The following DEGS2 variants were observed in gnomAD, a reference collection of about 807,000 sequenced individuals.
DEGS2 encodes sphingolipid delta(4)-desaturase/C4-monooxygenase DES2.
In DEGS2, 19 loss-of-function variants were observed where a neutral mutation model predicts 23.8. That is an observed-to-expected ratio of 0.80 (90% CI 0.56 to 1.17). The LOEUF is 1.17. Ranked by LOEUF, DEGS2 falls within the 50% of genes most tolerant of loss-of-function variation. The pLI is 0.00. For missense variants in DEGS2, 390 were observed against 459.5 expected, an observed-to-expected ratio of 0.85 and a Z score of 1.38; for synonymous variants, 218 against 213.7, an observed-to-expected ratio of 1.02 and a Z score of -0.18.
At position 100,149,655 on chromosome 14, in the gene DEGS2, C is replaced by T. The variant is rs769172630; in HGVS notation, c.138G>A (p.Ala46=). ...LMRPDPRLKW[A]VLVLVLVQML... ...TCTGCACCAGCACCAGCACCAGCACCGCCCACTTGAGGCGCGGGTCTGGCC... is the reference window on the plus strand; with the variant it reads ...TCTGCACCAGCACCAGCACCAGCACTGCCCACTTGAGGCGCGGGTCTGGCC... The change falls in exon 2 of 3, where the codon GCG becomes GCA. Residue 46 remains alanine, a synonymous_variant. Transcript: ENST00000305631. The T allele has an allele frequency of 2.5e-5, 40 of 1,611,728 alleles. No homozygotes were observed. Among genetic ancestry groups the T allele is most frequent in the East Asian group, 4.5e-5 (2 of 44,868 alleles).
chr14:100,153,944 C>G (rs371459304), intron 1 of DEGS2, among the ~76,000 whole-genome samples: 1 of 152,140 alleles, frequency 6.6e-6, no homozygotes, highest in East Asian at 1.9e-4. Flanking sequence ...GCTGACCGAG[C>G]CAAGACTTGA....
At chr14:100,163,020 A>G (rs1415226903), upstream of DEGS2, among the ~76,000 whole-genome samples, 1 of 152,242 alleles carries the variant, frequency 6.6e-6, no homozygotes, top group African/African-American at 2.4e-5. Flanking sequence ...ACAGAATGAA[A>G]GGGCAACCGA....
In DEGS2 at chr14:100,144,729, C is replaced by T. The variant is rs563058996; in HGVS notation, c.*2032G>A. ...GTTCTGACCCTCAGCTTCAAGGAAC[C>T]AGGGCCACCAACAGGCAGGCCTTGA... On this transcript the variant is annotated 3_prime_UTR_variant, in exon 3 of 3. Transcript: ENST00000305631. 1.9e-4 allele frequency: 29 copies of T among 152,504 alleles called. No individual in the cohort carries two copies. The highest frequency in any genetic ancestry group is 5.8e-4 in the African/African-American group (24 of 41,582). The allele number at this position is 152,504 out of a possible 1,614,324, so 9.4% of individuals were successfully genotyped here. A position where few individuals can be genotyped will look rare whatever the true frequency, so the allele number is the denominator to read the frequency against.
At chr14:100,153,235 G>A (rs969082591) in intron 1 of DEGS2, among the ~76,000 whole-genome samples, 8 of 151,434 alleles carry the variant, frequency 5.3e-5, no homozygotes, top group African/African-American at 1.7e-4. Context: ...CAGCCTGGGC[G>A]ACAGTAATGG....
intron 2 of DEGS2, among the ~76,000 whole-genome samples, chr14:100,147,720 C>T (rs1380700745): frequency 7.0e-6 from 1 of 141,974 alleles, no homozygotes; most frequent in Non-Finnish European, 1.5e-5. Flanking sequence ...TAAGGATGCT[C>T]TCAGGACGCA....
chr14:100,154,327 T>C (rs1889622281), intron 1 of DEGS2, among the ~76,000 whole-genome samples: 1 of 145,714 alleles, frequency 6.9e-6, no homozygotes, highest in Non-Finnish European at 1.5e-5. Context: ...ATCACACCAC[T>C]GGACTCCAGC....
chr14:100,157,933 C>A (rs1984717), intron 1 of DEGS2, among the ~76,000 whole-genome samples: 1 of 151,340 alleles, frequency 6.6e-6, no homozygotes, highest in Non-Finnish European at 1.5e-5. Context: ...ACTACAAATA[C>A]AAAATTAGCC....
At chr14:100,156,342 T>C (rs984625345) in intron 1 of DEGS2, among the ~76,000 whole-genome samples, 1 of 152,212 alleles carries the variant, frequency 6.6e-6, no homozygotes, top group African/African-American at 2.4e-5. Flanking sequence ...GGGAATAGCA[T>C]AGGCATGGAG....
chr14:100,151,343 A>T (rs1257013431), intron 1 of DEGS2, among the ~76,000 whole-genome samples: 1 of 152,246 alleles, frequency 6.6e-6, no homozygotes, highest in Admixed American at 6.5e-5. Context: ...AGCAGGCCCA[A>T]AGCTTGCAGG....
chr14:100,146,975 G>T, intron 2 of DEGS2, 68 bp from the exon 3 acceptor site: 1 of 1,559,574 alleles, frequency 6.4e-7, no homozygotes. Context: ...CACACACGCA[G>T]ACACCTGAGC....
chr14:100,159,507 C>A lies in DEGS2; in HGVS notation c.81G>T (p.Leu27=). Reference sequence around the variant, plus strand: ...GGGTGGGCCCCGCGCGGCGCTCACCCAGTATCTCCTTGCGCCGCTGCGTGT... The same window carrying A: ...GGGTGGGCCCCGCGCGGCGCTCACCAAGTATCTCCTTGCGCCGCTGCGTGT... ...QPHTQRRKEI[L]AKYPAIKALM... is the part of the protein sequence containing the mutation. Residue 27 remains leucine, a splice_region_variant and synonymous_variant, in exon 1 of 3, where the codon CTG becomes CTT. Coordinates refer to ENST00000305631, the MANE Select transcript of DEGS2 (RefSeq NM_206918.3). 1 of 1,495,836 alleles carries A rather than the reference C, an allele frequency of 6.7e-7. No individual in the cohort carries two copies. The highest frequency in any genetic ancestry group is 1.4e-5 in the African/African-American group (1 of 69,080). The allele number at this position is 1,495,836 out of a possible 1,614,324, so 92.7% of individuals were successfully genotyped here.
chr14:100,146,884 G>A lies in DEGS2; in HGVS notation c.849C>T (p.Tyr283=). The change falls in exon 3 of 3, where the codon TAC becomes TAT. Residue 283 remains tyrosine (Y), a synonymous_variant. Transcript: ENST00000305631. ...LPLVRKIAPE[Y]YDHLPQHHSW... is the part of the protein sequence containing the mutation. ...AGTGGTGCTGCGGCAGGTGGTCGTA[G>A]TACTCGGGCGCGATCTTCCGCACCT... The A allele has an allele frequency of 6.2e-7, 1 of 1,613,428 alleles. No individual in the cohort carries two copies. The highest frequency in any genetic ancestry group is 8.5e-7 in the Non-Finnish European group (1 of 1,179,826).
Position 100,146,558 on chromosome 14 carries a change from A to C in DEGS2, c.*203T>G. On this transcript the variant is annotated 3_prime_UTR_variant, in exon 3 of 3. Coordinates refer to ENST00000305631, the MANE Select transcript of DEGS2 (RefSeq NM_206918.3). ...TGGGGAGGCCCAGAAAGGGAGGGCC[A>C]CACTCAAGGTCCAGGGCAAGTCCAC... 1 of 673,068 alleles carries C rather than the reference A, an allele frequency of 1.5e-6. No individual in the cohort carries two copies. The highest frequency in any genetic ancestry group is 2.4e-6 in the Non-Finnish European group (1 of 417,076). 41.7% of individuals were successfully genotyped at this position (673,068 alleles called of 1,614,324 possible).
rs948957421 is a variant in DEGS2, at chr14:100,144,295, T to C, written c.*2466A>G. The C allele has an allele frequency of 6.5e-6, 1 of 152,830 alleles. No homozygotes were observed. Among genetic ancestry groups the C allele is most frequent in the African/African-American group, 2.4e-5 (1 of 41,462 alleles). 9.5% of individuals were successfully genotyped at this position (152,830 alleles called of 1,614,324 possible). On this transcript the variant is annotated 3_prime_UTR_variant, in exon 3 of 3. Coordinates refer to ENST00000305631, the MANE Select transcript of DEGS2 (RefSeq NM_206918.3). ...CGCTCCGGGCTGGGGATGCCCCTTT[T>C]CAGAGAAGGGCCCGGGACCACGGTG...
chr14:100,159,493 G>A lies in DEGS2; in HGVS notation c.82+13C>T. 1.3e-6 allele frequency: 2 copies of A among 1,485,302 alleles called. No individual in the cohort carries two copies. The highest frequency in any genetic ancestry group is 2.6e-5 in the South Asian group (2 of 78,248). The allele number at this position is 1,485,302 out of a possible 1,614,324, so 92.0% of individuals were successfully genotyped here. A position where few individuals can be genotyped will look rare whatever the true frequency, so the allele number is the denominator to read the frequency against. ...GGCGGTCCCCACCGGGGTGGGCCCCGCGCGGCGCTCACCCAGTATCTCCTT... is the reference window on the plus strand; with the variant it reads ...GGCGGTCCCCACCGGGGTGGGCCCCACGCGGCGCTCACCCAGTATCTCCTT... On this transcript the variant is annotated intron_variant, in intron 1 of 2. Coordinates refer to ENST00000305631, the MANE Select transcript of DEGS2 (RefSeq NM_206918.3).
At chr14:100,159,368 A>AG (rs1889711637) in intron 1 of DEGS2, 138 bp downstream of exon 1, 1 of 632,360 alleles carries the variant, frequency 1.6e-6, no homozygotes, top group Non-Finnish European at 2.5e-6. Flanking sequence ...GACCCCAGGG[A>AG]GGGGAGCGGC....
intron 1 of DEGS2, among the ~76,000 whole-genome samples, chr14:100,158,373 G>A (rs1029335518): frequency 1.3e-5 from 2 of 151,728 alleles, no homozygotes; most frequent in Non-Finnish European, 2.9e-5. Context: ...ATCGCGCCTA[G>A]CCAACATGGT....
chr14:100,147,306 C>T lies in DEGS2; in HGVS notation c.826-399G>A, dbSNP rs961412104. On this transcript the variant is annotated intron_variant, in intron 2 of 2. Transcript: ENST00000305631. ...GCAGAATTCATTGCACCACTCCACT[C>T]GGCCCCGCCTTCTGACCCGGCAGAC... Among the ~76,000 whole-genome samples the T allele has an allele frequency of 5.3e-5, 8 of 152,332 alleles. No individual in the cohort carries two copies. In the East Asian group the frequency reaches 1.5e-3, roughly 29 times the overall value.
At chr14:100,158,668 C>A (rs1478053190) in intron 1 of DEGS2, among the ~76,000 whole-genome samples, 1 of 144,810 alleles carries the variant, frequency 6.9e-6, no homozygotes, top group Non-Finnish European at 1.5e-5. Context: ...TGTGGCAACG[C>A]GCGGTGCTGA....
Sources: allele counts gnomAD v4.1 joint callset (sites outside exome capture counted in the v4.1 genomes callset), GRCh38; gene constraint gnomAD v4.1.1; transcripts MANE v1.5; gene names NCBI Gene and HGNC (gene_info 2026-07-23, HGNC 2026-07-21).